ACTA1: variants seen among roughly 807,000 people sequenced by gnomAD.
ACTA1 encodes the protein actin, alpha skeletal muscle.
A neutral mutation model predicts 35.8 loss-of-function variants in ACTA1; 25 were observed. The ratio of observed to expected loss-of-function variants is 0.70; its 90% confidence interval spans 0.51 to 0.97. ACTA1 has a LOEUF of 0.97. Ranked by LOEUF, ACTA1 falls within the 50% of genes least tolerant of loss-of-function variation. The probability of loss-of-function intolerance (pLI) is 0.00; values close to 1 mark genes in which losing one functional copy is unlikely to be tolerated. For missense variants in ACTA1, 174 were observed against 533.0 expected (o/e 0.33, Z 6.63); for synonymous variants, 219 against 217.1 (o/e 1.01, Z -0.08).
chr1:229,431,733 G>A lies in ACTA1; in HGVS notation c.978C>T (p.Thr326=). The A allele has an allele frequency of 1.9e-6, 3 of 1,614,188 alleles. No individual in the cohort carries two copies. Among genetic ancestry groups the A allele is most frequent in the Non-Finnish European group, 2.5e-6 (3 of 1,180,020 alleles). The part of the protein sequence containing the change: ...QKEITALAPS[T]MKIKIIAPPE... ...GGCCACCACCCACCTTGATCTTCAT[G>A]GTGCTGGGTGCCAGCGCGGTGATCT... is the stretch of plus-strand genomic sequence containing the variant. The change falls in exon 6 of 7, where the codon ACC becomes ACT. Residue 326 remains threonine (T), a synonymous_variant. Transcript: ENST00000366684. This position sits in a 1 kb window ranked among gnomAD's most constrained non-coding sequence, Gnocchi z 7.1.
Position 229,431,806 on chromosome 1 carries a change from G to A in ACTA1, c.905C>T (p.Ser302Leu). The A allele has an allele frequency of 6.2e-7, 1 of 1,614,166 alleles. No individual in the cohort carries two copies. Among genetic ancestry groups the A allele is most frequent in the Non-Finnish European group, 8.5e-7 (1 of 1,180,026 alleles). ...CCCAGGGTACATCGTGGTGCCCCCC[G>A]ACATGACGTTGTTGGCATACAGGTC... ...RKDLYANNVM[S>L]GGTTMYPGIA... The change falls in exon 6 of 7, where the codon TCG becomes TTG. Residue 302 changes from serine to leucine, a missense_variant. Physicochemically the swap from Ser to Leu is moderately radical, Grantham distance 145 (BLOSUM62 -2). Transcript: ENST00000366684. This position sits in a 1 kb window ranked among gnomAD's most constrained non-coding sequence, Gnocchi z 7.1.
chr1:229,433,347 A>C (rs1204209610), intron 1 of ACTA1, among the ~76,000 whole-genome samples: 1 of 152,210 alleles, frequency 6.6e-6, no homozygotes, highest in Non-Finnish European at 1.5e-5. Context: ...AAAGGGGCAC[A>C]GGGTCGCGAG....
In ACTA1 at chr1:229,431,952, C is replaced by T. The variant is rs767070539; in HGVS notation, c.808+42G>A. ...AGCAGAAGCTCGGGGCGCCGGGGGCCGGCGGGGCCTGGGGGCCGGGGCGAG... is the reference window on the plus strand; with the variant it reads ...AGCAGAAGCTCGGGGCGCCGGGGGCTGGCGGGGCCTGGGGGCCGGGGCGAG... On this transcript the variant is annotated intron_variant, in intron 5 of 6. Coordinates refer to ENST00000366684, the MANE Select transcript of ACTA1 (RefSeq NM_001100.4). This position sits in a 1 kb window ranked among gnomAD's most constrained non-coding sequence, Gnocchi z 7.1. 4 of 1,607,004 alleles carry T rather than the reference C, an allele frequency of 2.5e-6. No individual in the cohort carries two copies. Among genetic ancestry groups the T allele is most frequent in the East Asian group, 2.2e-5 (1 of 44,722 alleles).
Position 229,432,127 on chromosome 1 carries a change from G to T in ACTA1, c.675C>A (p.Phe225Leu). The change falls in exon 5 of 7, where the codon TTC (phenylalanine) becomes TTA (leucine). Residue 225 changes from phenylalanine to leucine, a missense_variant. Phe to Leu is a conservative substitution (Grantham distance 22). Transcript: ENST00000366684. Reference sequence around the variant, plus strand: ...AGGCGGCCGTCGCCATCTCGTTCTCGAAGTCCAGGGCCACGTAGCACAGCT... The same window carrying T: ...AGGCGGCCGTCGCCATCTCGTTCTCTAAGTCCAGGGCCACGTAGCACAGCT... ...KEKLCYVALD[F>L]ENEMATAASS... is the part of the protein sequence containing the mutation. 6.2e-7 allele frequency: 1 copy of T among 1,613,456 alleles called. No individual in the cohort carries two copies. The highest frequency in any genetic ancestry group is 8.5e-7 in the Non-Finnish European group (1 of 1,179,884).
Position 229,433,043 on chromosome 1 carries a change from C to A in ACTA1, c.73G>T (p.Gly25Trp). Residue 25 changes from glycine (G) to tryptophan (W), a missense_variant, in exon 2 of 7, where the codon GGG (glycine) becomes TGG (tryptophan). Transcript: ENST00000366684. ...GSGLVKAGFAGDDAPRAVFPS... is the reference protein window; with the variant it reads ...GSGLVKAGFAWDDAPRAVFPS... ...AACACGGCCCTAGGGGCGTCATCCC[C>A]GGCGAAGCCGGCTTTCACCAGGCCG... The A allele has an allele frequency of 1.2e-6, 2 of 1,613,946 alleles. No individual in the cohort carries two copies. Among genetic ancestry groups the A allele is most frequent in the Non-Finnish European group, 1.7e-6 (2 of 1,179,884 alleles).
At position 229,432,349 on chromosome 1, in the gene ACTA1, G is replaced by A. The variant is rs1325949063; in HGVS notation, c.537C>T (p.Arg179=). 6 of 1,613,674 alleles carry A rather than the reference G, an allele frequency of 3.7e-6. No individual in the cohort carries two copies. The highest frequency in any genetic ancestry group is 5.1e-6 in the Non-Finnish European group (6 of 1,179,872). The change falls in exon 4 of 7, where the codon CGC becomes CGT. Residue 179 remains arginine (R), a synonymous_variant. Transcript: ENST00000366684. ...EGYALPHAIM[R]LDLAGRDLTD... is the part of the protein sequence containing the mutation. Reference sequence around the variant, plus strand: ...TGAGATCGCGGCCCGCCAGGTCCAGGCGCATGATGGCGTGCGGCAGCGCGT... The same window carrying A: ...TGAGATCGCGGCCCGCCAGGTCCAGACGCATGATGGCGTGCGGCAGCGCGT...
At position 229,432,615 on chromosome 1, in the gene ACTA1, G is replaced by C; in HGVS notation, c.395C>G (p.Pro132Arg). ...TQIMFETFNV[P>R]AMYVAIQAVL... ...GGCCTGGATGGCCACGTACATGGCG[G>C]GCACGTTGAAGGTCTCAAACATGAT... The change falls in exon 3 of 7, where the codon CCC becomes CGC. Residue 132 changes from proline to arginine, a missense_variant. Pro to Arg is a moderately radical substitution (Grantham distance 103). Transcript: ENST00000366684. 1.2e-6 allele frequency: 2 copies of C among 1,614,068 alleles called. No individual in the cohort carries two copies. The highest frequency in any genetic ancestry group is 1.7e-6 in the Non-Finnish European group (2 of 1,179,998).
intron 1 of ACTA1, among the ~76,000 whole-genome samples, chr1:229,433,460 G>A (rs1384318902): frequency 6.6e-6 from 1 of 152,196 alleles, no homozygotes; most frequent in Non-Finnish European, 1.5e-5. Context: ...GGACGCTAGT[G>A]CCCATCCTCT....
rs751974673 is a variant in ACTA1 at position 229,431,526 on chromosome 1, A to C, written c.1107T>G (p.Pro369=). The C allele has an allele frequency of 2.5e-6, 4 of 1,613,396 alleles. No individual in the cohort carries two copies. The highest frequency in any genetic ancestry group is 8.5e-7 in the Non-Finnish European group (1 of 1,179,984). Reference sequence around the variant, plus strand: ...AGAAGCATTTGCGGTGGACGATGGAAGGGCCGGCCTCGTCGTACTCCTGCT... The same window carrying C: ...AGAAGCATTTGCGGTGGACGATGGACGGGCCGGCCTCGTCGTACTCCTGCT... ...ITKQEYDEAG[P]SIVHRKCF is the part of the protein sequence containing the mutation. The change falls in exon 7 of 7, where the codon CCT becomes CCG. Residue 369 remains proline, a synonymous_variant. Transcript: ENST00000366684. This position sits in a 1 kb window ranked among gnomAD's most constrained non-coding sequence, Gnocchi z 7.1.
chr1:229,432,194 G>A lies in ACTA1; in HGVS notation c.617-9C>T. The A allele has an allele frequency of 1.2e-6, 2 of 1,613,414 alleles. No homozygotes were observed. Among genetic ancestry groups the A allele is most frequent in the Non-Finnish European group, 1.7e-6 (2 of 1,179,694 alleles). Reference sequence around the variant, plus strand: ...CACGATCTCGCGCTCAGCTGCGGAGGGCAGAAGCAGGAGAGGAGCCCTCAC... The same window carrying A: ...CACGATCTCGCGCTCAGCTGCGGAGAGCAGAAGCAGGAGAGGAGCCCTCAC... On this transcript the variant is annotated splice_polypyrimidine_tract_variant and intron_variant, in intron 4 of 6. Coordinates refer to ENST00000366684, the MANE Select transcript of ACTA1 (RefSeq NM_001100.4).
At position 229,431,823 on chromosome 1, in the gene ACTA1, A is replaced by G. The variant is rs770931836; in HGVS notation, c.888T>C (p.Tyr296=). 180 of 1,614,038 alleles carry G rather than the reference A, an allele frequency of 1.1e-4. No individual in the cohort carries two copies. Among genetic ancestry groups the G allele is most frequent in the Non-Finnish European group, 1.5e-4 (180 of 1,180,014 alleles). ...TGCCCCCCGACATGACGTTGTTGGC[A>G]TACAGGTCCTTCCTGATGTCGATGT... ...KCDIDIRKDL[Y]ANNVMSGGTT... Residue 296 remains tyrosine, a synonymous_variant, in exon 6 of 7, where the codon TAT becomes TAC. Coordinates refer to ENST00000366684, the MANE Select transcript of ACTA1 (RefSeq NM_001100.4). This position sits in a 1 kb window ranked among gnomAD's most constrained non-coding sequence, Gnocchi z 7.1.
At chr1:229,433,216 G>T (rs964044874) in intron 1 of ACTA1, 89 bp from the exon 2 acceptor site, 17 of 1,567,178 alleles carry the variant, frequency 1.1e-5, no homozygotes, top group Admixed American at 1.7e-5. Flanking sequence ...TGGCCCCGAC[G>T]TCCTCCCTCC....
Position 229,431,246 on chromosome 1 carries a change from T to A in ACTA1, c.*253A>T, listed in dbSNP as rs1268239146. ...CCCCAAGCAAATAAACACGACCACT[T>A]TACGCAGCTTAACAGAATGACTTTA... On this transcript the variant is annotated 3_prime_UTR_variant, in exon 7 of 7. Transcript: ENST00000366684. This position sits in a 1 kb window ranked among gnomAD's most constrained non-coding sequence, Gnocchi z 7.1. 3 of 558,398 alleles carry A rather than the reference T, an allele frequency of 5.4e-6. No homozygotes were observed. Among genetic ancestry groups the A allele is most frequent in the Non-Finnish European group, 9.6e-6 (3 of 314,082 alleles). 34.6% of individuals were successfully genotyped at this position (558,398 alleles called of 1,614,324 possible).
chr1:229,431,433 C>T lies in ACTA1; in HGVS notation c.*66G>A, dbSNP rs1403018747. ...GAAAGTGACTGCGGGGTGGCTGGAG[C>T]TCAGCCGCCCCCCCATTGAGAAGAT... On this transcript the variant is annotated 3_prime_UTR_variant, in exon 7 of 7. Transcript: ENST00000366684. The surrounding 1 kb of genome is among the most constrained non-coding windows in gnomAD (Gnocchi z 7.1). 1.6e-5 allele frequency: 25 copies of T among 1,606,812 alleles called. No homozygotes were observed. Among genetic ancestry groups the T allele is most frequent in the South Asian group, 3.3e-5 (3 of 90,916 alleles).
Position 229,432,995 on chromosome 1 carries a change from G to T in ACTA1, c.121C>A (p.Arg41=). 6.2e-7 allele frequency: 1 copy of T among 1,613,582 alleles called. No individual in the cohort carries two copies. The highest frequency in any genetic ancestry group is 1.6e-4 in the Middle Eastern group (1 of 6,062). The change falls in exon 2 of 7, where the codon CGA becomes AGA. Residue 41 remains arginine (R), a synonymous_variant. Coordinates refer to ENST00000366684, the MANE Select transcript of ACTA1 (RefSeq NM_001100.4). ...CGGAGGGGCAGCCTGACCTGGTGTC[G>T]GGGGCGGCCCACGATGGACGGGAAC... is the stretch of plus-strand genomic sequence containing the variant. The part of the protein sequence containing the change: ...AVFPSIVGRP[R]HQGVMVGMGQ...
At position 229,432,613 on chromosome 1, in the gene ACTA1, C is replaced by T; in HGVS notation, c.397G>A (p.Ala133Thr). Residue 133 changes from alanine (A) to threonine (T), a missense_variant, in exon 3 of 7, where the codon GCC becomes ACC. By Grantham distance (58) the Ala-to-Thr change is moderately conservative. Transcript: ENST00000366684. ...QIMFETFNVP[A>T]MYVAIQAVLS... ...ACGGCCTGGATGGCCACGTACATGG[C>T]GGGCACGTTGAAGGTCTCAAACATG... is the stretch of plus-strand genomic sequence containing the variant. 1 of 1,613,938 alleles carries T rather than the reference C, an allele frequency of 6.2e-7. No homozygotes were observed. Among genetic ancestry groups the T allele is most frequent in the South Asian group, 1.1e-5 (1 of 91,072 alleles).
intron 1 of ACTA1, 122 bp from the exon 2 acceptor site, chr1:229,433,249 T>G: frequency 7.2e-7 from 1 of 1,390,626 alleles, no homozygotes; most frequent in Non-Finnish European, 1.0e-6. Flanking sequence ...GGACATCTCC[T>G]GCCGGAGCCA....
chr1:229,432,174 T>A lies in ACTA1; in HGVS notation c.628A>T (p.Ile210Phe). ...AGCTTCTCCTTGATGTCGCGCACGA[T>A]CTCGCGCTCAGCTGCGGAGGGCAGA... is the stretch of plus-strand genomic sequence containing the variant. ...YSFVTTAERE[I>F]VRDIKEKLCY... Residue 210 changes from isoleucine to phenylalanine, a missense_variant, in exon 5 of 7, where the codon ATC becomes TTC. Ile to Phe is a conservative substitution (Grantham distance 21, BLOSUM62 0). Transcript: ENST00000366684. The A allele has an allele frequency of 6.2e-7, 1 of 1,613,518 alleles. No individual in the cohort carries two copies. The highest frequency in any genetic ancestry group is 8.5e-7 in the Non-Finnish European group (1 of 1,179,798).
chr1:229,432,388 G>A lies in ACTA1; in HGVS notation c.498C>T (p.Pro166=). Residue 166 remains proline (P), a synonymous_variant, in exon 4 of 7, where the codon CCC becomes CCT. Coordinates refer to ENST00000366684, the MANE Select transcript of ACTA1 (RefSeq NM_001100.4). ...DSGDGVTHNV[P]IYEGYALPHA... ...GCGGCAGCGCGTAGCCCTCATAAAT[G>A]GGCACGTTGTGGGTGACGCCGTCGC... The A allele has an allele frequency of 6.2e-7, 1 of 1,613,334 alleles. No individual in the cohort carries two copies. Among genetic ancestry groups the A allele is most frequent in the Middle Eastern group, 1.7e-4 (1 of 6,056 alleles).
Sources: allele counts gnomAD v4.1 joint callset (sites outside exome capture counted in the v4.1 genomes callset), GRCh38; gene constraint gnomAD v4.1.1; non-coding constraint Gnocchi (gnomAD v3.1); transcripts MANE v1.5; gene names NCBI Gene and HGNC (gene_info 2026-07-23, HGNC 2026-07-21).